DCLRE1A: variants seen among roughly 807,000 people sequenced by gnomAD.
DCLRE1A encodes the protein DNA cross-link repair 1A.
Under a neutral mutation model 91.9 loss-of-function variants are expected in DCLRE1A, and 64 were observed. That is an observed-to-expected ratio of 0.70 (90% CI 0.57 to 0.86). The LOEUF (loss-of-function observed/expected upper bound fraction) is 0.86. Among genes scored for constraint, DCLRE1A ranks in the 40% least tolerant of loss-of-function variants. The pLI, the probability that DCLRE1A is intolerant of heterozygous loss-of-function variation, is 0.00. For missense variants in DCLRE1A, 1,145 were observed against 1,213.3 expected, an observed-to-expected ratio of 0.94 and a Z score of 0.84; for synonymous variants, 416 against 431.1, an observed-to-expected ratio of 0.96 and a Z score of 0.43.
At position 113,837,168 on chromosome 10, in the gene DCLRE1A, T is replaced by C. The variant is rs771631155; in HGVS notation, c.2856A>G (p.Lys952=). The C allele has an allele frequency of 1.2e-6, 2 of 1,613,164 alleles. No individual in the cohort carries two copies. The highest frequency in any genetic ancestry group is 1.7e-6 in the Non-Finnish European group (2 of 1,179,680). The change falls in exon 8 of 9, where the codon AAA becomes AAG. Residue 952 remains lysine, a synonymous_variant. Transcript: ENST00000361384. ...LQSHLKKCGG[K]YNQILAFRPT... ...GTCGAAATGCCAAAATCTGATTGTA[T>C]TTCCCACCACACTTCTTCAAATGAC...
rs1297127261 is a variant in DCLRE1A, at chr10:113,835,215, G to C, written c.3060C>G (p.Thr1020=). The part of the protein sequence containing the change: ...QKIIPTVNVG[T]WKSRSTMEKY... Reference sequence around the variant, plus strand: ...TCTCCATTGTGCTCCTAGATTTCCAGGTGCCCACATTTACAGTAGGTATGA... The same window carrying C: ...TCTCCATTGTGCTCCTAGATTTCCACGTGCCCACATTTACAGTAGGTATGA... The change falls in exon 9 of 9, where the codon ACC becomes ACG. Residue 1020 remains threonine (T), a synonymous_variant. Coordinates refer to ENST00000361384, the MANE Select transcript of DCLRE1A (RefSeq NM_014881.5). 1 of 1,613,916 alleles carries C rather than the reference G, an allele frequency of 6.2e-7. No homozygotes were observed. The highest frequency in any genetic ancestry group is 1.3e-5 in the African/African-American group (1 of 74,896).
At chr10:113,845,084 T>C (rs1456023375) in intron 4 of DCLRE1A, among the ~76,000 whole-genome samples, 1 of 152,142 alleles carries the variant, frequency 6.6e-6, no homozygotes, top group Non-Finnish European at 1.5e-5. Flanking sequence ...TCTTCATCTA[T>C]GACCTCTATG....
chr10:113,839,018 C>T (rs1045181576), intron 7 of DCLRE1A, among the ~76,000 whole-genome samples: 3 of 151,942 alleles, frequency 2.0e-5, no homozygotes, highest in Admixed American at 6.6e-5. Flanking sequence ...GCTCCATCTG[C>T]GTTTTGGAGG....
In DCLRE1A at chr10:113,837,208, T is replaced by A; in HGVS notation, c.2821-5A>T. 1.9e-6 allele frequency: 3 copies of A among 1,606,098 alleles called. No individual in the cohort carries two copies. The highest frequency in any genetic ancestry group is 2.5e-6 in the Non-Finnish European group (3 of 1,177,506). On this transcript the variant is annotated splice_region_variant and splice_polypyrimidine_tract_variant and intron_variant, in intron 7 of 8. Transcript: ENST00000361384. ...CTTCAAATGACTCTGTAAGCCCTGTTAAATTAAAATAGCATATTGAGGTCA... is the reference window on the plus strand; with the variant it reads ...CTTCAAATGACTCTGTAAGCCCTGTAAAATTAAAATAGCATATTGAGGTCA...
At position 113,849,012 on chromosome 10, in the gene DCLRE1A, T is replaced by C; in HGVS notation, c.2093A>G (p.Lys698Arg). ...TTTCTTATAGAATGGACATGTCTTTTTTCTTGATCCTCCTACATTAGATGA... is the reference window on the plus strand; with the variant it reads ...TTTCTTATAGAATGGACATGTCTTTCTTCTTGATCCTCCTACATTAGATGA... ...PESSNVGGSR[K>R]KTCPFYKKIP... is the part of the protein sequence containing the mutation. Residue 698 changes from lysine (K) to arginine (R), a missense_variant, in exon 2 of 9, where the codon AAA becomes AGA. Coordinates refer to ENST00000361384, the MANE Select transcript of DCLRE1A (RefSeq NM_014881.5). The C allele has an allele frequency of 1.9e-6, 3 of 1,613,642 alleles. No individual in the cohort carries two copies. The highest frequency in any genetic ancestry group is 2.5e-6 in the Non-Finnish European group (3 of 1,179,870).
At chr10:113,837,795 GTAGGA>G (rs1358897309) in intron 7 of DCLRE1A, among the ~76,000 whole-genome samples, 1 of 152,102 alleles carries the variant, frequency 6.6e-6, no homozygotes, top group African/African-American at 2.4e-5. Flanking sequence ...TAAGTCTTGA[GTAGGA>G]TAGAACTTCC....
At chr10:113,843,139 A>ACTAT (rs748629561) in intron 5 of DCLRE1A, among the ~76,000 whole-genome samples, 4 of 151,888 alleles carry the variant, frequency 2.6e-5, no homozygotes, top group Admixed American at 1.3e-4. Flanking sequence ...AAATTAAGCT[A>ACTAT]CTATCTATCT....
At chr10:113,839,142 G>A (rs889035035) in intron 7 of DCLRE1A, among the ~76,000 whole-genome samples, 2 of 151,868 alleles carry the variant, frequency 1.3e-5, no homozygotes, top group African/African-American at 2.4e-5. Context: ...TGGCTAACAC[G>A]GTGAAACCCC....
chr10:113,835,638 T>C (rs1452196833), intron 8 of DCLRE1A, among the ~76,000 whole-genome samples: 2 of 152,162 alleles, frequency 1.3e-5, no homozygotes, highest in Non-Finnish European at 2.9e-5. Flanking sequence ...GTTGTTCTTC[T>C]GATAGTGAGT....
Position 113,853,116 on chromosome 10 carries a change from C to T in DCLRE1A, c.67G>A (p.Asp23Asn). Residue 23 changes from aspartate to asparagine, a missense_variant, in exon 1 of 9, where the codon GAT becomes AAT. By Grantham distance (23) the Asp-to-Asn change is conservative. Coordinates refer to ENST00000361384, the MANE Select transcript of DCLRE1A (RefSeq NM_014881.5). ...ATATTTTTAGAGCCATTATTTGGAT[C>T]AACTCGTTTTGGTTTTCTTTTAGAT... ...YKSKRKPKRV[D>N]PNNGSKNILK... 1 of 1,599,522 alleles carries T rather than the reference C, an allele frequency of 6.3e-7. No homozygotes were observed.
chr10:113,841,650 C>A, intron 6 of DCLRE1A, 90 bp from the exon 7 acceptor site: 2 of 1,326,318 alleles, frequency 1.5e-6, no homozygotes, highest in Non-Finnish European at 2.0e-6. Context: ...AAGAATTTAC[C>A]AAATAAAAGG....
At chr10:113,848,836 T>A in intron 2 of DCLRE1A, 144 bp downstream of exon 2, 1 of 777,956 alleles carries the variant, frequency 1.3e-6, no homozygotes, top group Non-Finnish European at 2.1e-6. Flanking sequence ...ATATCTACGT[T>A]AGAGGCTCAT....
intron 2 of DCLRE1A, 131 bp from the exon 3 acceptor site, chr10:113,847,466 A>G (rs1056732669): frequency 9.5e-7 from 1 of 1,050,968 alleles, no homozygotes; most frequent in South Asian, 3.0e-5. Flanking sequence ...AACTTATATC[A>G]CATAAATTTA....
intron 5 of DCLRE1A, among the ~76,000 whole-genome samples, chr10:113,843,696 C>CT (rs1399261725): frequency 6.6e-6 from 1 of 152,198 alleles, no homozygotes; most frequent in Non-Finnish European, 1.5e-5. Context: ...TATAAATTAT[C>CT]TTTTTAAGAA....
At chr10:113,847,567 A>C (rs1009675037) in intron 2 of DCLRE1A, among the ~76,000 whole-genome samples, 25 of 72,816 alleles carry the variant, frequency 3.4e-4, no homozygotes, top group African/African-American at 7.4e-4. Context: ...ATTGCACCAA[A>C]AAAAATTTTT....
In DCLRE1A at chr10:113,845,697, A is replaced by T; in HGVS notation, c.2366T>A (p.Leu789His). The T allele has an allele frequency of 6.2e-7, 1 of 1,614,064 alleles. No homozygotes were observed. The highest frequency in any genetic ancestry group is 8.5e-7 in the Non-Finnish European group (1 of 1,179,932). ...CIVNGVKVVL[L>H]DANHCPGAVM... ...CTTTAATACTTACTGATTGGCATCAAGCAAAACAACTTTGACACCATTCAC... is the reference window on the plus strand; with the variant it reads ...CTTTAATACTTACTGATTGGCATCATGCAAAACAACTTTGACACCATTCAC... Residue 789 changes from leucine (L) to histidine (H), a missense_variant, in exon 4 of 9, where the codon CTT becomes CAT. Coordinates refer to ENST00000361384, the MANE Select transcript of DCLRE1A (RefSeq NM_014881.5).
chr10:113,851,482 T>C (rs1269449966), intron 1 of DCLRE1A, among the ~76,000 whole-genome samples: 1 of 152,156 alleles, frequency 6.6e-6, no homozygotes, highest in Non-Finnish European at 1.5e-5. Flanking sequence ...ATATAAATGA[T>C]TTCAAAATAT....
intron 7 of DCLRE1A, among the ~76,000 whole-genome samples, chr10:113,840,065 G>A (rs780626950): frequency 6.6e-6 from 1 of 151,950 alleles, no homozygotes; most frequent in Non-Finnish European, 1.5e-5. Flanking sequence ...AGGCTGAGGC[G>A]GGCAGACCAC....
At chr10:113,845,604 GAA>G in intron 4 of DCLRE1A, 79 bp downstream of exon 4, 3 of 1,054,296 alleles carry the variant, frequency 2.8e-6, no homozygotes, top group African/African-American at 1.6e-5. Flanking sequence ...TAATTATAAT[GAA>G]AAAAGTTATT....
Sources: gnomAD v4.1 joint callset for allele counts (sites outside exome capture counted in the v4.1 genomes callset) on GRCh38, gnomAD v4.1.1 for gene constraint, MANE v1.5 for transcripts, NCBI Gene and HGNC (gene_info 2026-07-23, HGNC 2026-07-21) for gene names.